Variants in PKD1L1 observed in about 807,000 individuals in gnomAD.
The protein encoded by PKD1L1 is polycystin 1 like 1, transient receptor potential channel interacting.
A neutral mutation model predicts 323.4 loss-of-function variants in PKD1L1; 236 were observed. That is an observed-to-expected ratio of 0.73 (90% confidence interval 0.66 to 0.81). The LOEUF (loss-of-function observed/expected upper bound fraction) is 0.81, where lower values mean the gene tolerates loss of function less well. PKD1L1 is among the 40% of genes least tolerant of loss of function. PKD1L1 has a pLI of 0.00. For synonymous variants in PKD1L1, 1,344 were observed against 1,335.0 expected (o/e 1.01, Z -0.15); for missense variants, 3,320 against 3,508.0 (o/e 0.95, Z 1.35).
rs142475540 is a variant in PKD1L1 at position 47,873,243 on chromosome 7, C to T, written c.3896+656G>A. Among the ~76,000 whole-genome samples, 709 of 152,118 alleles carry T rather than the reference C, an allele frequency of 4.7e-3. 6 individuals are homozygous for T. Among genetic ancestry groups the T allele is most frequent in the African/African-American group, 0.016 (683 of 41,470 alleles). ...ATGATGAAAAATTGTCTAAAACTAG[C>T]TTATGGTGAAGGCTGTATAATTCAA... On this transcript the variant is annotated intron_variant, in intron 24 of 56. Transcript: ENST00000289672.
At chr7:47,943,758 C>T (rs563036786) in intron 1 of PKD1L1, among the ~76,000 whole-genome samples, 15 of 152,270 alleles carry the variant, frequency 9.9e-5, no homozygotes, top group East Asian at 7.7e-4. Context: ...AAACAGCCTC[C>T]GAACAGATCC....
Position 47,931,285 on chromosome 7 carries a change from G to A in PKD1L1, c.556C>T (p.Leu186=). The A allele has an allele frequency of 6.2e-7, 1 of 1,614,268 alleles. No individual in the cohort carries two copies. Among genetic ancestry groups the A allele is most frequent in the Non-Finnish European group, 8.5e-7 (1 of 1,180,048 alleles). ...GTTSAAAPCS[L]KMEASCCVLR... ...ACACAGCAGGAAGCCTCCATCTTCA[G>A]GCTGCAGGGAGCTGCTGCAGAAGTG... Residue 186 remains leucine, a synonymous_variant, in exon 6 of 57, where the codon CTG becomes TTG. Coordinates refer to ENST00000289672, the MANE Select transcript of PKD1L1 (RefSeq NM_138295.5).
At position 47,832,306 on chromosome 7, in the gene PKD1L1, TGTCTGGGAGGGTCGTCG is replaced by T. The variant is rs1157428268; in HGVS notation, c.6337+767_6337+783del. ...TCCAGCCCAGGCCACGTGTCCAGTTTGTCTGGGAGGGTCGTCGGTCCTTGGGATGAGTTTCCCTTCTG... is the reference window on the plus strand; with the variant it reads ...TCCAGCCCAGGCCACGTGTCCAGTTTGTCCTTGGGATGAGTTTCCCTTCTG... On this transcript the variant is annotated intron_variant, in intron 41 of 56. Coordinates refer to ENST00000289672, the MANE Select transcript of PKD1L1 (RefSeq NM_138295.5). Among the ~76,000 whole-genome samples, 5 of 152,316 alleles carry T rather than the reference TGTCTGGGAGGGTCGTCG, an allele frequency of 3.3e-5. No individual in the cohort carries two copies. The East Asian group carries it at 5.8e-4, about 18-fold the overall frequency.
intron 56 of PKD1L1, among the ~76,000 whole-genome samples, chr7:47,789,469 T>G (rs4724644): frequency 0.7 from 106,719 of 152,104 alleles, 37,665 homozygotes; most frequent in Middle Eastern, 0.73. Flanking sequence ...GTAAAAAGAT[T>G]CATCTCTTGG....
intron 33 of PKD1L1, among the ~76,000 whole-genome samples, 194 bp downstream of exon 33, chr7:47,844,797 TAGAG>T (rs1191593812): frequency 6.6e-6 from 1 of 152,224 alleles, no homozygotes; most frequent in African/African-American, 2.4e-5. Flanking sequence ...AATTCAAGTA[TAGAG>T]AGACAAGATA....
In PKD1L1 at chr7:47,876,082, G is replaced by A. The variant is rs1221475332; in HGVS notation, c.3784+15C>T. ...GTTGGCACAGCTAGTGACTCCAACT[G>A]GCACCATAGCTTACCTTTGTAATTG... On this transcript the variant is annotated intron_variant, in intron 23 of 56. Coordinates refer to ENST00000289672, the MANE Select transcript of PKD1L1 (RefSeq NM_138295.5). 1 of 1,613,146 alleles carries A rather than the reference G, an allele frequency of 6.2e-7. No homozygotes were observed. The highest frequency in any genetic ancestry group is 8.5e-7 in the Non-Finnish European group (1 of 1,179,506).
intron 56 of PKD1L1, among the ~76,000 whole-genome samples, chr7:47,783,200 T>C (rs188467227): frequency 3.3e-5 from 5 of 152,264 alleles, no homozygotes; most frequent in African/African-American, 1.2e-4. Flanking sequence ...GCAAAAAAAA[T>C]CATCTTTTGT....
chr7:47,815,642 G>A (rs1196048178), intron 46 of PKD1L1, among the ~76,000 whole-genome samples, 185 bp from the exon 47 acceptor site: 1 of 152,248 alleles, frequency 6.6e-6, no homozygotes, highest in Non-Finnish European at 1.5e-5. Flanking sequence ...CTCCTTAGTA[G>A]CAGGAGATAA....
chr7:47,889,225 C>T (rs557370870), intron 16 of PKD1L1, among the ~76,000 whole-genome samples: 46 of 152,280 alleles, frequency 3.0e-4, no homozygotes, highest in African/African-American at 8.4e-4. Flanking sequence ...CTGGACCTTC[C>T]TGACAGGATC....
chr7:47,940,854 T>C (rs574550831), intron 2 of PKD1L1, among the ~76,000 whole-genome samples: 1 of 152,172 alleles, frequency 6.6e-6, no homozygotes, highest in East Asian at 1.9e-4. Context: ...GCGGAGCCAG[T>C]GTCCACCCGG....
At chr7:47,815,134 T>G (rs945817757) in intron 47 of PKD1L1, among the ~76,000 whole-genome samples, 200 bp downstream of exon 47, 1 of 152,106 alleles carries the variant, frequency 6.6e-6, no homozygotes, top group Non-Finnish European at 1.5e-5. Context: ...CAGCAGGGTG[T>G]AATGGGATGG....
chr7:47,908,275 A>G, intron 8 of PKD1L1, 25 bp from the exon 9 acceptor site: 2 of 1,594,438 alleles, frequency 1.3e-6, no homozygotes, highest in Non-Finnish European at 1.7e-6. Flanking sequence ...ATGAACGGAC[A>G]CTTGATGAAT....
chr7:47,797,580 C>T (rs1314780662), intron 54 of PKD1L1, among the ~76,000 whole-genome samples: 1 of 152,208 alleles, frequency 6.6e-6, no homozygotes, highest in Non-Finnish European at 1.5e-5. Context: ...GCAATATTGC[C>T]TGCCTGTCTC....
In PKD1L1 at chr7:47,835,152, A is replaced by C. The variant is rs774418690; in HGVS notation, c.6035T>G (p.Leu2012Arg). ...LASPGAQLLS[L>R]LFRLSKEAPG... Reference sequence around the variant, plus strand: ...AGGTACCTTGCTGAGCCTGAAGAGCAGGGACAAGAGCTGGGCCCCTGGAGA... The same window carrying C: ...AGGTACCTTGCTGAGCCTGAAGAGCCGGGACAAGAGCTGGGCCCCTGGAGA... Residue 2012 changes from leucine (L) to arginine (R), a missense_variant, in exon 38 of 57, where the codon CTG (leucine) becomes CGG (arginine). Leu to Arg is a moderately radical substitution (Grantham distance 102). Coordinates refer to ENST00000289672, the MANE Select transcript of PKD1L1 (RefSeq NM_138295.5). 2 of 1,599,310 alleles carry C rather than the reference A, an allele frequency of 1.3e-6. No individual in the cohort carries two copies. Among genetic ancestry groups the C allele is most frequent in the Non-Finnish European group, 1.7e-6 (2 of 1,172,670 alleles).
intron 52 of PKD1L1, among the ~76,000 whole-genome samples, chr7:47,806,537 T>C (rs1442156073): frequency 1.3e-5 from 2 of 152,168 alleles, no homozygotes; most frequent in African/African-American, 2.4e-5. Context: ...TGCCAATAAA[T>C]TAAGCAGCCA....
Position 47,795,976 on chromosome 7 carries a change from T to C in PKD1L1, c.8355+13A>G. The C allele has an allele frequency of 6.2e-7, 1 of 1,608,180 alleles. No individual in the cohort carries two copies. On this transcript the variant is annotated intron_variant, in intron 55 of 56. Coordinates refer to ENST00000289672, the MANE Select transcript of PKD1L1 (RefSeq NM_138295.5). ...TGCTATCATGCTCAGTAATCCAAGA[T>C]CTCACAGCTTACGTGATTCTCAACC...
In PKD1L1 at chr7:47,811,847, T is replaced by C. The variant is rs767112565; in HGVS notation, c.7551A>G (p.Ser2517=). ...GAAGCATGAGGTGGTACTGCAGGGCTGAGTCGCTGCGGAAGATGCTGAATG... is the reference window on the plus strand; with the variant it reads ...GAAGCATGAGGTGGTACTGCAGGGCCGAGTCGCTGCGGAAGATGCTGAATG... The part of the protein sequence containing the change: ...VESFSIFRSD[S]ALQYHLMLPQ... Residue 2517 remains serine (S), a synonymous_variant, in exon 50 of 57, where the codon TCA becomes TCG. Transcript: ENST00000289672. The C allele has an allele frequency of 3.7e-6, 6 of 1,608,554 alleles. No homozygotes were observed. In the Admixed American group the frequency reaches 1.0e-4, roughly 27 times the overall value.
chr7:47,812,997 T>G (rs1246092161), intron 49 of PKD1L1, 124 bp downstream of exon 49: 3 of 1,160,352 alleles, frequency 2.6e-6, no homozygotes, highest in Non-Finnish European at 3.7e-6. Flanking sequence ...CTGGCAGTGG[T>G]GCGCTGACCT....
At chr7:47,802,912 CT>C (rs1316816001) in intron 53 of PKD1L1, among the ~76,000 whole-genome samples, 1 of 152,172 alleles carries the variant, frequency 6.6e-6, no homozygotes, top group African/African-American at 2.4e-5. Flanking sequence ...ATTCCTGGCA[CT>C]TAGAGAAAGC....
Sources: allele counts gnomAD v4.1 joint callset (sites outside exome capture counted in the v4.1 genomes callset), GRCh38; gene constraint gnomAD v4.1.1; transcripts MANE v1.5; gene names NCBI Gene and HGNC (gene_info 2026-07-23, HGNC 2026-07-21).